CYB5R4: variants seen among roughly 807,000 people sequenced by gnomAD.
CYB5R4 encodes cytochrome b5 reductase 4.
CYB5R4 carries 55 observed loss-of-function variants against 70.2 expected under a neutral mutation model. The observed-to-expected ratio is 0.78, with a 90% CI of 0.63 to 0.98. CYB5R4 has a LOEUF of 0.98. CYB5R4 is among the 50% of genes least tolerant of loss of function. The pLI is 0.00. For missense variants in CYB5R4, 562 were observed against 612.6 expected, an observed-to-expected ratio of 0.92 and a Z score of 0.87; for synonymous variants, 197 against 199.5, an observed-to-expected ratio of 0.99 and a Z score of 0.11.
chr6:83,934,272 T>A (rs771829069), intron 10 of CYB5R4, among the ~76,000 whole-genome samples: 12 of 151,740 alleles, frequency 7.9e-5, no homozygotes, highest in Non-Finnish European at 1.5e-4. Flanking sequence ...AGAATGTAAG[T>A]TTCTTCATTA....
At chr6:83,933,879 G>T (rs2099468527) in intron 10 of CYB5R4, among the ~76,000 whole-genome samples, 1 of 152,042 alleles carries the variant, frequency 6.6e-6, no homozygotes, top group Non-Finnish European at 1.5e-5. Context: ...TTAATTTTCA[G>T]ATACCAAAAC....
At position 83,924,578 on chromosome 6, in the gene CYB5R4, C is replaced by G; in HGVS notation, c.800C>G (p.Pro267Arg). Reference protein sequence around the residue: ...HPLKNHNSLIPRKDTGLYYRK... With the variant: ...HPLKNHNSLIRRKDTGLYYRK... Reference sequence around the variant, plus strand: ...CTGAAGAATCATAATTCACTTATTCCAAGGAAAGATACAGGTATGCTGTGT... The same window carrying G: ...CTGAAGAATCATAATTCACTTATTCGAAGGAAAGATACAGGTATGCTGTGT... Residue 267 changes from proline to arginine, a missense_variant, in exon 10 of 16, where the codon CCA (proline) becomes CGA (arginine). By Grantham distance (103) the Pro-to-Arg change is moderately radical (BLOSUM62 -2). Transcript: ENST00000369681. 6.2e-7 allele frequency: 1 copy of G among 1,613,078 alleles called. No individual in the cohort carries two copies. The highest frequency in any genetic ancestry group is 8.5e-7 in the Non-Finnish European group (1 of 1,179,480).
At chr6:83,874,932 C>T (rs531236855) in intron 2 of CYB5R4, among the ~76,000 whole-genome samples, 2 of 152,144 alleles carry the variant, frequency 1.3e-5, no homozygotes, top group African/African-American at 2.4e-5. Flanking sequence ...AAACAATTCT[C>T]CTGCCTCAGC....
intron 2 of CYB5R4, among the ~76,000 whole-genome samples, chr6:83,887,956 G>A (rs902004531): frequency 1.3e-5 from 2 of 152,094 alleles, no homozygotes; most frequent in African/African-American, 4.8e-5. Context: ...ACACCATGGA[G>A]GATTGGTGTT....
intron 12 of CYB5R4, among the ~76,000 whole-genome samples, chr6:83,938,142 A>G (rs1001940168): frequency 1.3e-5 from 2 of 152,232 alleles, no homozygotes; most frequent in Non-Finnish European, 2.9e-5. Flanking sequence ...AAAATATTGT[A>G]TATGAATTTG....
intron 15 of CYB5R4, among the ~76,000 whole-genome samples, chr6:83,955,785 C>T (rs2129146082): frequency 6.6e-6 from 1 of 152,254 alleles, no homozygotes; most frequent in Admixed American, 6.5e-5. Context: ...TCCATCAAAG[C>T]TTCATAATAT....
intron 2 of CYB5R4, among the ~76,000 whole-genome samples, chr6:83,864,783 T>A (rs2099456487): frequency 1.3e-5 from 2 of 152,210 alleles, no homozygotes; most frequent in Admixed American, 6.5e-5. Context: ...TTTCATTACA[T>A]GGTATATGTT....
rs144683573 is a variant in CYB5R4, at chr6:83,881,874, C to T, written c.230-11648C>T. On this transcript the variant is annotated intron_variant, in intron 2 of 15. Coordinates refer to ENST00000369681, the MANE Select transcript of CYB5R4 (RefSeq NM_016230.4). ...TTTTAGTTAACATTCTTGAATATAC[C>T]GATACCACATTTACTTTAAATTATT... is the stretch of plus-strand genomic sequence containing the variant. Among the ~76,000 whole-genome samples the T allele has an allele frequency of 3.3e-4, 50 of 152,226 alleles. 1 individual carries two copies. In the East Asian group the frequency reaches 8.3e-3, roughly 25 times the overall value.
At position 83,871,335 on chromosome 6, in the gene CYB5R4, A is replaced by G. The variant is rs753200933; in HGVS notation, c.229+7007A>G. ...TTTTCAAGTTGCCTTATTTCACATG[A>G]TTATGCAAATAATCTAGTCTTTGTC... is the stretch of plus-strand genomic sequence containing the variant. On this transcript the variant is annotated intron_variant, in intron 2 of 15. Coordinates refer to ENST00000369681, the MANE Select transcript of CYB5R4 (RefSeq NM_016230.4). Among the ~76,000 whole-genome samples, 5 of 152,256 alleles carry G rather than the reference A, an allele frequency of 3.3e-5. 1 individual carries two copies. In the Middle Eastern group the frequency reaches 0.014, roughly 414 times the overall value.
At chr6:83,876,842 C>CT (rs1324654651) in intron 2 of CYB5R4, among the ~76,000 whole-genome samples, 323 of 149,924 alleles carry the variant, frequency 2.2e-3, no homozygotes, top group African/African-American at 7.1e-3. Context: ...CTTCCTTTAA[C>CT]TTTTTTTTTT....
intron 2 of CYB5R4, among the ~76,000 whole-genome samples, chr6:83,865,842 C>A (rs2099456639): frequency 6.6e-6 from 1 of 152,134 alleles, no homozygotes; most frequent in Non-Finnish European, 1.5e-5. Flanking sequence ...TATATTGAGA[C>A]ATAACAGGTG....
intron 4 of CYB5R4, among the ~76,000 whole-genome samples, chr6:83,912,128 T>C (rs1158197428): frequency 6.6e-6 from 1 of 151,736 alleles, no homozygotes; most frequent in African/African-American, 2.4e-5. Context: ...TGAATAAGTA[T>C]TGCACTCATG....
At chr6:83,896,454 A>G (rs916907042) in intron 3 of CYB5R4, among the ~76,000 whole-genome samples, 21 of 152,160 alleles carry the variant, frequency 1.4e-4, no homozygotes, top group Non-Finnish European at 2.4e-4. Flanking sequence ...TCTGATGTCT[A>G]TCATTCTATT....
chr6:83,936,373 A>G lies in CYB5R4; in HGVS notation c.1105A>G (p.Ile369Val). Residue 369 changes from isoleucine (I) to valine (V), a missense_variant, in exon 12 of 16, where the codon ATT becomes GTT. Coordinates refer to ENST00000369681, the MANE Select transcript of CYB5R4 (RefSeq NM_016230.4). ...CACACCAGAGCTTGATCGTCTTCAG[A>G]TTGGTTAGTATTTTTACATTTTTTA... The part of the protein sequence containing the change: ...LFTPELDRLQ[I>V]GDFVSVSSPE... 1 of 1,610,966 alleles carries G rather than the reference A, an allele frequency of 6.2e-7. No individual in the cohort carries two copies. The highest frequency in any genetic ancestry group is 8.5e-7 in the Non-Finnish European group (1 of 1,179,050).
chr6:83,965,627 A>G lies in CYB5R4; in HGVS notation c.*5749A>G, dbSNP rs189972437. On this transcript the variant is annotated 3_prime_UTR_variant, in exon 16 of 16. Coordinates refer to ENST00000369681, the MANE Select transcript of CYB5R4 (RefSeq NM_016230.4). The stretch of plus-strand genomic sequence containing the variant: ...TTTTGGGTTAATGCTGAAATGATTT[A>G]AGACTTTGGGGTACTGTTGGGAATG... 1 of 152,176 alleles carries G rather than the reference A, an allele frequency of 6.6e-6. No individual in the cohort carries two copies. The highest frequency in any genetic ancestry group is 1.9e-4 in the East Asian group (1 of 5,186). 9.4% of individuals were successfully genotyped at this position (152,176 alleles called of 1,614,324 possible).
chr6:83,955,397 T>A lies in CYB5R4; in HGVS notation c.1446T>A (p.Asn482Lys), dbSNP rs774083906. The A allele has an allele frequency of 5.6e-6, 9 of 1,613,812 alleles. No homozygotes were observed. The East Asian group carries it at 1.6e-4, about 28-fold the overall frequency. Residue 482 changes from asparagine to lysine, a missense_variant, in exon 15 of 16, where the codon AAT becomes AAA. Coordinates refer to ENST00000369681, the MANE Select transcript of CYB5R4 (RefSeq NM_016230.4). ...PALLSEFLKR[N>K]LDKSKVLVCI... is the part of the protein sequence containing the mutation. The stretch of plus-strand genomic sequence containing the variant: ...TTCTTTCTGAATTTTTGAAAAGAAA[T>A]TTGGACAAATCCAAAGTTCTCGTCT...
intron 3 of CYB5R4, among the ~76,000 whole-genome samples, chr6:83,894,659 T>C (rs1006377466): frequency 1.4e-4 from 21 of 152,318 alleles, no homozygotes; most frequent in African/African-American, 4.8e-4. Flanking sequence ...GCCTTACTTA[T>C]AACATAAACA....
chr6:83,933,914 T>C (rs1293520168), intron 10 of CYB5R4, among the ~76,000 whole-genome samples: 1 of 152,228 alleles, frequency 6.6e-6, no homozygotes, highest in Non-Finnish European at 1.5e-5. Context: ...ATAAATGTTT[T>C]TGTTTTAATC....
At chr6:83,893,856 C>G (rs61762808) in intron 3 of CYB5R4, among the ~76,000 whole-genome samples, 87 of 152,212 alleles carry the variant, frequency 5.7e-4, no homozygotes, top group African/African-American at 1.8e-3. Flanking sequence ...TTTAAGTGTT[C>G]GCTGCCTCCT....
Sources: allele counts gnomAD v4.1 joint callset (sites outside exome capture counted in the v4.1 genomes callset), GRCh38; gene constraint gnomAD v4.1.1; transcripts MANE v1.5; gene names NCBI Gene and HGNC (gene_info 2026-07-23, HGNC 2026-07-21).